SUPT6H: variants seen among roughly 807,000 people sequenced by gnomAD.
SUPT6H encodes the protein transcription elongation factor SPT6.
SUPT6H carries 11 observed loss-of-function variants against 222.3 expected under a neutral mutation model. The ratio of observed to expected loss-of-function variants is 0.05; its 90% CI spans 0.03 to 0.08. The LOEUF is 0.08. Ranked by LOEUF, SUPT6H falls within the 10% of genes least tolerant of loss-of-function variation. SUPT6H has a pLI of 1.00. For missense variants in SUPT6H, 1,422 were observed against 2,216.0 expected, an observed-to-expected ratio of 0.64 and a Z score of 7.19; for synonymous variants, 762 against 801.2, an observed-to-expected ratio of 0.95 and a Z score of 0.83.
chr17:28,673,371 T>G lies in SUPT6H; in HGVS notation c.-31T>G. The G allele has an allele frequency of 6.4e-7, 1 of 1,553,106 alleles. No homozygotes were observed. Among genetic ancestry groups the G allele is most frequent in the Non-Finnish European group, 8.9e-7 (1 of 1,125,260 alleles). On this transcript the variant is annotated splice_region_variant and 5_prime_UTR_variant, in exon 2 of 37. Coordinates refer to ENST00000314616, the MANE Select transcript of SUPT6H (RefSeq NM_003170.5). ...ATCCTTCACTCTTTTCTTTCCCTAG[T>G]TATCTTCAGGCAGAGTGAGAAGCTG...
At chr17:28,687,922 A>G (rs1394343649) in intron 23 of SUPT6H, among the ~76,000 whole-genome samples, 169 bp from the exon 24 acceptor site, 9 of 151,640 alleles carry the variant, frequency 5.9e-5, no homozygotes, top group Admixed American at 5.9e-4. Flanking sequence ...TTTAAAGCAA[A>G]ACTTTTTTTT....
intron 2 of SUPT6H, among the ~76,000 whole-genome samples, chr17:28,673,997 G>GTTAC (rs2030587028): frequency 6.6e-6 from 1 of 152,182 alleles, no homozygotes; most frequent in Non-Finnish European, 1.5e-5. Flanking sequence ...GTAAAACAAA[G>GTTAC]TTATTGGTGG....
intron 6 of SUPT6H, 38 bp from the exon 7 acceptor site, chr17:28,676,119 C>T: frequency 1.3e-6 from 2 of 1,547,346 alleles, no homozygotes; most frequent in Non-Finnish European, 1.7e-6. Context: ...CTCCTCTCAC[C>T]TGAACCTGAG....
At chr17:28,674,885 T>G (rs2030647547) in intron 4 of SUPT6H, 85 bp from the exon 5 acceptor site, 14 of 1,458,420 alleles carry the variant, frequency 9.6e-6, no homozygotes, top group Non-Finnish European at 1.2e-5. Context: ...GTAATTGTGG[T>G]GGGAAGAAGG....
intron 11 of SUPT6H, among the ~76,000 whole-genome samples, chr17:28,680,552 G>A (rs2031043912): frequency 2.0e-5 from 3 of 152,248 alleles, no homozygotes; most frequent in South Asian, 2.1e-4. Context: ...CCGAAATCAC[G>A]CCATTACACT....
intron 29 of SUPT6H, 60 bp from the exon 30 acceptor site, chr17:28,696,784 C>T: frequency 1.4e-6 from 2 of 1,477,310 alleles, no homozygotes; most frequent in South Asian, 1.1e-5. Context: ...CTGGTTTGTC[C>T]TGTTGCTGCC....
rs745757443 is a variant in SUPT6H at position 28,687,138 on chromosome 17, C to T, written c.2751C>T (p.Ala917=). Residue 917 remains alanine, a synonymous_variant, in exon 22 of 37, where the codon GCC becomes GCT. Coordinates refer to ENST00000314616, the MANE Select transcript of SUPT6H (RefSeq NM_003170.5). ...PPVLRQAVSL[A]RRIQDPLIEF... is the part of the protein sequence containing the mutation. The stretch of plus-strand genomic sequence containing the variant: ...TGCTGAGACAGGCCGTCTCCCTGGC[C>T]CGGCGCATCCAGGACCCTCTGATTG... 1.2e-6 allele frequency: 2 copies of T among 1,613,892 alleles called. No individual in the cohort carries two copies. The highest frequency in any genetic ancestry group is 2.7e-5 in the African/African-American group (2 of 74,902).
In SUPT6H at chr17:28,686,356, G is replaced by T; in HGVS notation, c.2505G>T (p.Thr835=). ...CAATCCAGGCTCAAGACATTGAAACGCTAAAGAAATTTCTCCTGAATAAGA... is the reference window on the plus strand; with the variant it reads ...CAATCCAGGCTCAAGACATTGAAACTCTAAAGAAATTTCTCCTGAATAAGA... ...EREKKAQDIE[T]LKKFLLNKKP... is the part of the protein sequence containing the mutation. Residue 835 remains threonine (T), a synonymous_variant, in exon 20 of 37, where the codon ACG becomes ACT. Coordinates refer to ENST00000314616, the MANE Select transcript of SUPT6H (RefSeq NM_003170.5). The T allele has an allele frequency of 6.2e-7, 1 of 1,614,156 alleles. No individual in the cohort carries two copies. Among genetic ancestry groups the T allele is most frequent in the Non-Finnish European group, 8.5e-7 (1 of 1,180,020 alleles).
At chr17:28,679,207 A>G (rs1453280277) in intron 11 of SUPT6H, among the ~76,000 whole-genome samples, 2 of 152,074 alleles carry the variant, frequency 1.3e-5, no homozygotes, top group Non-Finnish European at 2.9e-5. Flanking sequence ...CCCCATCTCT[A>G]CTAAAAATAC....
rs755382412 is a variant in SUPT6H, at chr17:28,678,540, C to T, written c.1117-5C>T. 4.3e-6 allele frequency: 7 copies of T among 1,613,906 alleles called. No individual in the cohort carries two copies. The highest frequency in any genetic ancestry group is 5.9e-6 in the Non-Finnish European group (7 of 1,179,924). On this transcript the variant is annotated splice_region_variant and splice_polypyrimidine_tract_variant and intron_variant, in intron 9 of 36. Coordinates refer to ENST00000314616, the MANE Select transcript of SUPT6H (RefSeq NM_003170.5). ...TGAGTGACTGCAGTCTCTTTGCCATCCTAGGTGCCTTTTATTGCCTTCTAT... is the reference window on the plus strand; with the variant it reads ...TGAGTGACTGCAGTCTCTTTGCCATTCTAGGTGCCTTTTATTGCCTTCTAT...
chr17:28,699,439 T>C (rs2151667547), intron 32 of SUPT6H, among the ~76,000 whole-genome samples: 1 of 152,320 alleles, frequency 6.6e-6, no homozygotes, highest in East Asian at 1.9e-4. Flanking sequence ...TGCGATTTGC[T>C]GCTCTGGGAG....
chr17:28,699,955 G>A lies in SUPT6H; in HGVS notation c.4561+62G>A, dbSNP rs1362084344. 6 of 1,520,570 alleles carry A rather than the reference G, an allele frequency of 3.9e-6. No individual in the cohort carries two copies. In the Admixed American group the frequency reaches 5.0e-5, roughly 13 times the overall value. The allele number at this position is 1,520,570 out of a possible 1,614,324, so 94.2% of individuals were successfully genotyped here. ...GGAGGAACACCTAGGACCTGACTCA[G>A]AGTAGTCCCAGCCTAGGGGACCAGG... On this transcript the variant is annotated intron_variant, in intron 33 of 36. Coordinates refer to ENST00000314616, the MANE Select transcript of SUPT6H (RefSeq NM_003170.5).
At position 28,697,085 on chromosome 17, in the gene SUPT6H, G is replaced by A. The variant is rs2031957470; in HGVS notation, c.4209+3G>A. The A allele has an allele frequency of 1.9e-6, 3 of 1,613,282 alleles. No homozygotes were observed. The highest frequency in any genetic ancestry group is 2.5e-6 in the Non-Finnish European group (3 of 1,179,406). On this transcript the variant is annotated splice_donor_region_variant and intron_variant, in intron 30 of 36. Coordinates refer to ENST00000314616, the MANE Select transcript of SUPT6H (RefSeq NM_003170.5). Reference sequence around the variant, plus strand: ...CCACTCTGTGGATCAACAGTGAGGTGAGAGCCAGTGCCTGCCCACCTCCCA... The same window carrying A: ...CCACTCTGTGGATCAACAGTGAGGTAAGAGCCAGTGCCTGCCCACCTCCCA...
chr17:28,666,540 A>G (rs2030025877), intron 1 of SUPT6H, among the ~76,000 whole-genome samples: 1 of 152,126 alleles, frequency 6.6e-6, no homozygotes, highest in Non-Finnish European at 1.5e-5. Context: ...ATGTGGAAAG[A>G]AAAGGAATAC....
At position 28,681,230 on chromosome 17, in the gene SUPT6H, GAAACCTTATGTCTCTT is replaced by G; in HGVS notation, c.1350-25_1350-10del. 1 of 1,612,764 alleles carries G rather than the reference GAAACCTTATGTCTCTT, an allele frequency of 6.2e-7. No homozygotes were observed. Among genetic ancestry groups the G allele is most frequent in the East Asian group, 2.2e-5 (1 of 44,866 alleles). ...ATATACCCTTTCTGCAGTGATGACT[GAAACCTTATGTCTCTT>G]CTTTTTCAGGCTCAAGGATGTCCAA... On this transcript the variant is annotated splice_polypyrimidine_tract_variant and intron_variant, in intron 11 of 36. Coordinates refer to ENST00000314616, the MANE Select transcript of SUPT6H (RefSeq NM_003170.5).
rs553507870 is a variant in SUPT6H at position 28,666,178 on chromosome 17, G to A, written c.-32+3836G>A. ...ATTCCTCCTTACTCTTAAGGTCTTT[G>A]TTTAAAGTCACTTCCTCAAAACCAG... On this transcript the variant is annotated intron_variant, in intron 1 of 36. Transcript: ENST00000314616. Among the ~76,000 whole-genome samples, 189 of 152,288 alleles carry A rather than the reference G, an allele frequency of 1.2e-3. 1 individual carries two copies. The highest frequency in any genetic ancestry group is 4.4e-3 in the African/African-American group (183 of 41,570).
chr17:28,695,066 G>A, intron 28 of SUPT6H: 1 of 338,748 alleles, frequency 3.0e-6, no homozygotes, highest in South Asian at 4.9e-5. Context: ...CAGTAACTAG[G>A]CAACTTCATG....
At chr17:28,696,129 A>AC (rs1475814142) in intron 29 of SUPT6H, among the ~76,000 whole-genome samples, 2 of 151,706 alleles carry the variant, frequency 1.3e-5, no homozygotes, top group Admixed American at 6.6e-5. Flanking sequence ...AAAATGGTGA[A>AC]CCCCCGTCTC....
intron 9 of SUPT6H, 96 bp downstream of exon 9, chr17:28,678,288 G>C: frequency 8.9e-7 from 1 of 1,120,150 alleles, no homozygotes; most frequent in South Asian, 1.3e-5. Context: ...CCCCCTTCCC[G>C]TATCCCCTAT....
Sources: gnomAD v4.1 joint callset for allele counts (sites outside exome capture counted in the v4.1 genomes callset) on GRCh38, gnomAD v4.1.1 for gene constraint, MANE v1.5 for transcripts, NCBI Gene and HGNC (gene_info 2026-07-23, HGNC 2026-07-21) for gene names.